KMT2C: variants seen among roughly 807,000 people sequenced by gnomAD.
KMT2C encodes the protein histone-lysine N-methyltransferase 2C.
Under a neutral mutation model 507.9 loss-of-function variants are expected in KMT2C, and 88 were observed. That is an observed-to-expected ratio of 0.17 (90% CI 0.15 to 0.21). KMT2C has a LOEUF of 0.21. KMT2C is among the 10% of genes least tolerant of loss of function. KMT2C has a pLI of 1.00. For missense variants in KMT2C, 4,954 were observed against 5,957.8 expected, an observed-to-expected ratio of 0.83 and a Z score of 5.55; for synonymous variants, 2,049 against 2,080.8, an observed-to-expected ratio of 0.98 and a Z score of 0.42.
chr7:152,343,450 G>GAAAAAAAAAAAAAAAAAAAAACAGAAA (rs200886066), intron 2 of KMT2C, among the ~76,000 whole-genome samples: 1 of 72,462 alleles, frequency 1.4e-5, no homozygotes, highest in African/African-American at 4.6e-5. Flanking sequence ...AAAAGACTGG[G>GAAAAAAAAAAAAAAAAAAAAACAGAAA]AAAAAAAAAA....
At chr7:152,306,600 A>G (rs1353902606) in intron 6 of KMT2C, among the ~76,000 whole-genome samples, 3 of 152,210 alleles carry the variant, frequency 2.0e-5, no homozygotes, top group Non-Finnish European at 4.4e-5. Flanking sequence ...CATAATTTGT[A>G]TTGTTAGAGG....
Position 152,194,203 on chromosome 7 carries a change from T to C in KMT2C, c.4540+26A>G, listed in dbSNP as rs942657135. The C allele has an allele frequency of 5.2e-6, 8 of 1,551,156 alleles. No homozygotes were observed. In the East Asian group the frequency reaches 1.8e-4, roughly 35 times the overall value. On this transcript the variant is annotated intron_variant, in intron 30 of 58. Coordinates refer to ENST00000262189, the MANE Select transcript of KMT2C (RefSeq NM_170606.3). ...CTGGTATGGGGAACGCCATTTTCAT[T>C]AACTAGAAAATCAAAACACATTTAC...
intron 2 of KMT2C, among the ~76,000 whole-genome samples, chr7:152,358,174 CCTAGCCTTTCA>C (rs2097167591): frequency 6.6e-6 from 1 of 152,190 alleles, no homozygotes; most frequent in Non-Finnish European, 1.5e-5. Context: ...TCTAGTTTGG[CCTAGCCTTTCA>C]CAATATTAAT....
At chr7:152,187,617 C>A in intron 32 of KMT2C, 98 bp downstream of exon 32, 1 of 1,464,680 alleles carries the variant, frequency 6.8e-7, no homozygotes, top group East Asian at 2.3e-5. Context: ...ACGCAACATA[C>A]AATAATATCA....
intron 24 of KMT2C, among the ~76,000 whole-genome samples, chr7:152,206,186 A>G (rs2094303807): frequency 6.6e-6 from 1 of 152,198 alleles, no homozygotes; most frequent in South Asian, 2.1e-4. Flanking sequence ...TACACAGTCA[A>G]CACTATAAGC....
intron 1 of KMT2C, among the ~76,000 whole-genome samples, chr7:152,390,043 A>T (rs1333697670): frequency 6.6e-6 from 1 of 152,254 alleles, no homozygotes; most frequent in Non-Finnish European, 1.5e-5. Flanking sequence ...TGGAAGTAAT[A>T]GACTAGAGAT....
chr7:152,147,658 G>C (rs1411244763), intron 52 of KMT2C, among the ~76,000 whole-genome samples: 1 of 139,496 alleles, frequency 7.2e-6, no homozygotes, highest in Non-Finnish European at 1.5e-5. Flanking sequence ...AGGGAACTGA[G>C]ATCGCGCCAT....
At chr7:152,167,442 A>G in intron 41 of KMT2C, 64 bp from the exon 42 acceptor site, 1 of 1,120,936 alleles carries the variant, frequency 8.9e-7, no homozygotes, top group Non-Finnish European at 1.3e-6. Flanking sequence ...TAAGTTACAC[A>G]AATCTATTTT....
intron 5 of KMT2C, among the ~76,000 whole-genome samples, chr7:152,310,961 C>T (rs927926041): frequency 2.6e-5 from 4 of 152,134 alleles, no homozygotes; most frequent in Non-Finnish European, 5.9e-5. Context: ...GCTGGGATTA[C>T]GGGCTGTGAG....
At position 152,155,999 on chromosome 7, in the gene KMT2C, C is replaced by G. The variant is rs772840372; in HGVS notation, c.11871G>C (p.Leu3957Phe). 6.2e-7 allele frequency: 1 copy of G among 1,609,792 alleles called. No individual in the cohort carries two copies. The highest frequency in any genetic ancestry group is 1.3e-5 in the African/African-American group (1 of 74,462). Reference protein sequence around the residue: ...FQLPFRPQDDLLARALAQGPK... With the variant: ...FQLPFRPQDDFLARALAQGPK... ...GGCCCTGAGCAAGAGCTCGGGCCAACAAGTCGTCCTGGGGTCTGAAGGGCA... is the reference window on the plus strand; with the variant it reads ...GGCCCTGAGCAAGAGCTCGGGCCAAGAAGTCGTCCTGGGGTCTGAAGGGCA... Residue 3957 changes from leucine (L) to phenylalanine (F), a missense_variant, in exon 46 of 59, where the codon TTG (leucine) becomes TTC (phenylalanine). Leu to Phe is a conservative substitution (Grantham distance 22, BLOSUM62 0). This residue lies in a region of KMT2C where 104 missense variants were observed against 134.3 expected (regional missense o/e 0.77). Coordinates refer to ENST00000262189, the MANE Select transcript of KMT2C (RefSeq NM_170606.3).
chr7:152,376,843 T>C (rs1336518238), intron 1 of KMT2C, among the ~76,000 whole-genome samples: 1 of 152,296 alleles, frequency 6.6e-6, no homozygotes, highest in Non-Finnish European at 1.5e-5. Context: ...AGCCTTCCAT[T>C]AGAAGAAGAT....
At chr7:152,338,441 T>C (rs2096958671) in intron 2 of KMT2C, among the ~76,000 whole-genome samples, 1 of 152,156 alleles carries the variant, frequency 6.6e-6, no homozygotes, top group African/African-American at 2.4e-5. Flanking sequence ...ACAATAATGA[T>C]GATGCTGGTA....
chr7:152,258,411 G>A (rs2095698298), intron 9 of KMT2C, among the ~76,000 whole-genome samples: 1 of 152,306 alleles, frequency 6.6e-6, no homozygotes. Context: ...AGGGCTAACT[G>A]GTAAATGCGG....
intron 9 of KMT2C, among the ~76,000 whole-genome samples, chr7:152,255,037 T>C (rs1443552348): frequency 6.8e-6 from 1 of 146,710 alleles, no homozygotes; most frequent in East Asian, 2.0e-4. Flanking sequence ...AACTAGACTT[T>C]AACAAACTTG....
At chr7:152,365,521 C>T (rs2097235477) in intron 1 of KMT2C, among the ~76,000 whole-genome samples, 1 of 152,150 alleles carries the variant, frequency 6.6e-6, no homozygotes, top group African/African-American at 2.4e-5. Context: ...AACAAACAAA[C>T]AAACAAACAG....
chr7:152,176,012 C>A (rs1342073042), intron 38 of KMT2C, among the ~76,000 whole-genome samples, 179 bp downstream of exon 38: 1 of 152,172 alleles, frequency 6.6e-6, no homozygotes, highest in Non-Finnish European at 1.5e-5. Context: ...CACTGCACTC[C>A]ATCTTGGGTG....
At chr7:152,392,388 A>C (rs1305904803) in intron 1 of KMT2C, among the ~76,000 whole-genome samples, 1 of 152,200 alleles carries the variant, frequency 6.6e-6, no homozygotes. Flanking sequence ...AGCTTTTAAA[A>C]TATATCCTCT....
chr7:152,148,027 C>A lies in KMT2C; in HGVS notation c.13894+6G>T, dbSNP rs768878330. On this transcript the variant is annotated splice_donor_region_variant and intron_variant, in intron 52 of 58. Transcript: ENST00000262189. This position sits in a 1 kb window ranked among gnomAD's most constrained non-coding sequence, Gnocchi z 7.1. Reference sequence around the variant, plus strand: ...CACTGCACAGCATGTGAACGGCAGACGTTACCTTTAGGTGAGATGTCACTT... The same window carrying A: ...CACTGCACAGCATGTGAACGGCAGAAGTTACCTTTAGGTGAGATGTCACTT... The A allele has an allele frequency of 6.4e-7, 1 of 1,564,572 alleles. No homozygotes were observed. Among genetic ancestry groups the A allele is most frequent in the South Asian group, 1.2e-5 (1 of 83,804 alleles).
At position 152,163,017 on chromosome 7, in the gene KMT2C, T is replaced by C; in HGVS notation, c.10560A>G (p.Pro3520=). The C allele has an allele frequency of 3.1e-6, 5 of 1,614,168 alleles. No individual in the cohort carries two copies. Among genetic ancestry groups the C allele is most frequent in the Non-Finnish European group, 4.2e-6 (5 of 1,180,034 alleles). The change falls in exon 43 of 59, where the codon CCA becomes CCG. Residue 3520 remains proline, a synonymous_variant. Transcript: ENST00000262189. ...VGPPSFVPDS[P]SIPVGSPNFS... is the part of the protein sequence containing the mutation. ...AATTTGGGCTTCCAACAGGGATTGA[T>C]GGTGAATCAGGAACAAATGAAGGAG...
Sources: gnomAD v4.1 joint callset for allele counts (sites outside exome capture counted in the v4.1 genomes callset) on GRCh38, gnomAD v4.1.1 for gene constraint, gnomAD v4.1.1 regional missense constraint, Gnocchi (gnomAD v3.1) non-coding constraint, MANE v1.5 for transcripts, NCBI Gene and HGNC (gene_info 2026-07-23, HGNC 2026-07-21) for gene names.